The following SRBD1 variants were observed in gnomAD, a reference collection of about 807,000 sequenced individuals.
SRBD1 encodes S1 RNA binding domain 1.
Under a neutral mutation model 115.3 loss-of-function variants are expected in SRBD1, and 88 were observed. The observed-to-expected ratio is 0.76, with a 90% CI of 0.64 to 0.91. The LOEUF is 0.91. SRBD1 is among the 40% of genes least tolerant of loss of function. The pLI is 0.00. For synonymous variants in SRBD1, 509 were observed against 407.7 expected (o/e 1.25, Z -2.99); for missense variants, 1,385 against 1,177.4 (o/e 1.18, Z -2.58).
At chr2:45,430,805 A>C (rs998079253) in intron 16 of SRBD1, among the ~76,000 whole-genome samples, 1 of 152,260 alleles carries the variant, frequency 6.6e-6, no homozygotes, top group South Asian at 2.1e-4. Flanking sequence ...GGATCTAACT[A>C]AACTAAAGAG....
At chr2:45,593,786 G>C (rs1294721829) in intron 4 of SRBD1, among the ~76,000 whole-genome samples, 2 of 152,226 alleles carry the variant, frequency 1.3e-5, no homozygotes, top group South Asian at 4.1e-4. Flanking sequence ...TTATTTCACT[G>C]TATCACTTAT....
intron 4 of SRBD1, among the ~76,000 whole-genome samples, chr2:45,586,836 C>T (rs898648946): frequency 2.8e-5 from 4 of 143,902 alleles, no homozygotes; most frequent in South Asian, 2.2e-4. Context: ...CATGAACCAC[C>T]GAAACAGGCA....
At chr2:45,551,045 C>A (rs1672282188) in intron 12 of SRBD1, 80 bp downstream of exon 12, 1 of 1,482,844 alleles carries the variant, frequency 6.7e-7, no homozygotes, top group East Asian at 2.4e-5. Context: ...AACATTATTT[C>A]CAAATCCTCA....
intron 14 of SRBD1, chr2:45,546,460 T>C (rs1049322001): frequency 4.8e-6 from 3 of 619,816 alleles, no homozygotes; most frequent in Non-Finnish European, 6.0e-6. Context: ...CCTCACACAA[T>C]GTATAGCCTA....
intron 14 of SRBD1, among the ~76,000 whole-genome samples, chr2:45,507,447 G>A (rs573120663): frequency 1.3e-5 from 2 of 152,198 alleles, no homozygotes; most frequent in South Asian, 2.1e-4. Flanking sequence ...GCTGGGCGCG[G>A]CGGCTCACGT....
chr2:45,435,430 T>A (rs1413888376), intron 16 of SRBD1, among the ~76,000 whole-genome samples: 1 of 151,974 alleles, frequency 6.6e-6, no homozygotes, highest in Non-Finnish European at 1.5e-5. Context: ...TTTAAGAGTA[T>A]GATATCAGAG....
At chr2:45,568,763 C>A (rs1348957813) in intron 9 of SRBD1, among the ~76,000 whole-genome samples, 1 of 152,128 alleles carries the variant, frequency 6.6e-6, no homozygotes, top group Non-Finnish European at 1.5e-5. Flanking sequence ...AAAATTAAAT[C>A]AACATAAAAG....
At chr2:45,580,511 A>ATTTTTTTTTT (rs1227093467) in intron 6 of SRBD1, among the ~76,000 whole-genome samples, 8 of 85,790 alleles carry the variant, frequency 9.3e-5, no homozygotes, top group Non-Finnish European at 1.7e-4. Context: ...ACGTCCAGCT[A>ATTTTTTTTTT]TTTTTTTTTT....
intron 16 of SRBD1, among the ~76,000 whole-genome samples, chr2:45,444,287 C>T (rs1668756545): frequency 6.6e-6 from 1 of 152,040 alleles, no homozygotes; most frequent in Admixed American, 6.6e-5. Flanking sequence ...CACCTGTAGT[C>T]CTAGCTACTC....
At chr2:45,410,615 C>T (rs1392272144) in intron 19 of SRBD1, among the ~76,000 whole-genome samples, 1 of 152,066 alleles carries the variant, frequency 6.6e-6, no homozygotes, top group Non-Finnish European at 1.5e-5. Context: ...GCTGGGGTCC[C>T]CTAGATACCT....
chr2:45,513,673 G>A (rs1329380478), intron 14 of SRBD1, among the ~76,000 whole-genome samples: 1 of 152,040 alleles, frequency 6.6e-6, no homozygotes, highest in Non-Finnish European at 1.5e-5. Flanking sequence ...GCAGATCTTT[G>A]AGGGTATTCT....
intron 15 of SRBD1, among the ~76,000 whole-genome samples, chr2:45,487,829 T>C (rs1352929080): frequency 1.3e-5 from 2 of 151,934 alleles, no homozygotes; most frequent in Admixed American, 1.3e-4. Context: ...AATTTTTGTA[T>C]TTTTAGTAGA....
chr2:45,531,856 G>A (rs1025993594), intron 14 of SRBD1, among the ~76,000 whole-genome samples: 2 of 151,732 alleles, frequency 1.3e-5, no homozygotes, highest in African/African-American at 2.4e-5. Flanking sequence ...CTTCTCATAT[G>A]ACTCAATAAA....
Position 45,601,984 on chromosome 2 carries a change from T to C in SRBD1, c.180A>G (p.Lys60=). Residue 60 remains lysine (K), a synonymous_variant, in exon 3 of 21, where the codon AAA becomes AAG. Transcript: ENST00000263736. ...SRKQPPPKES[K]PKRMPRVKKN... is the part of the protein sequence containing the mutation. Reference sequence around the variant, plus strand: ...TCTTCACCCGAGGCATCCTCTTTGGTTTGGATTCCTTGGGAGGGGGCTGTT... The same window carrying C: ...TCTTCACCCGAGGCATCCTCTTTGGCTTGGATTCCTTGGGAGGGGGCTGTT... 1 of 1,614,212 alleles carries C rather than the reference T, an allele frequency of 6.2e-7. No homozygotes were observed.
intron 1 of SRBD1, among the ~76,000 whole-genome samples, chr2:45,609,073 C>T (rs1217233867): frequency 2.0e-5 from 3 of 152,144 alleles, no homozygotes; most frequent in African/African-American, 7.2e-5. Flanking sequence ...TCCCAAAGTG[C>T]TGGGATTACA....
chr2:45,563,790 A>G (rs1050307751), intron 9 of SRBD1, among the ~76,000 whole-genome samples: 3 of 152,142 alleles, frequency 2.0e-5, no homozygotes, highest in African/African-American at 7.2e-5. Flanking sequence ...AAAAGTATGG[A>G]CACTGAATTA....
chr2:45,416,053 CTTA>C (rs1667823187), intron 18 of SRBD1, among the ~76,000 whole-genome samples: 1 of 151,902 alleles, frequency 6.6e-6, no homozygotes, highest in Non-Finnish European at 1.5e-5. Flanking sequence ...AAACAGAAAA[CTTA>C]TTAACTGATA....
chr2:45,430,785 T>C (rs977165187), intron 16 of SRBD1, among the ~76,000 whole-genome samples: 2 of 151,956 alleles, frequency 1.3e-5, no homozygotes, highest in Non-Finnish European at 2.9e-5. Flanking sequence ...AAAGCAAAAA[T>C]TGGCAAATGG....
At chr2:45,552,260 G>A (rs1470231940) in intron 11 of SRBD1, among the ~76,000 whole-genome samples, 2 of 152,154 alleles carry the variant, frequency 1.3e-5, no homozygotes, top group East Asian at 1.9e-4. Context: ...TGCTATTCAG[G>A]TTAAGTATTC....
Sources: allele counts gnomAD v4.1 joint callset (sites outside exome capture counted in the v4.1 genomes callset), GRCh38; gene constraint gnomAD v4.1.1; transcripts MANE v1.5; gene names NCBI Gene and HGNC (gene_info 2026-07-23, HGNC 2026-07-21).